KLHL28: variants seen among roughly 807,000 people sequenced by gnomAD.
KLHL28 encodes kelch like family member 28.
A neutral mutation model predicts 48.3 loss-of-function variants in KLHL28; 22 were observed. The observed-to-expected ratio is 0.46, with a 90% confidence interval of 0.33 to 0.65. The LOEUF (loss-of-function observed/expected upper bound fraction) is 0.65, where lower values mean the gene tolerates loss of function less well. Ranked by LOEUF, KLHL28 falls within the 30% of genes least tolerant of loss-of-function variation. The pLI, the probability that KLHL28 is intolerant of heterozygous loss-of-function variation, is 0.03. For synonymous variants in KLHL28, 243 were observed against 242.4 expected (o/e 1.00, Z -0.02); for missense variants, 527 against 704.3 (o/e 0.75, Z 2.85).
At chr14:44,942,699 C>T (rs1227512436) in intron 2 of KLHL28, among the ~76,000 whole-genome samples, 1 of 152,110 alleles carries the variant, frequency 6.6e-6, no homozygotes, top group Non-Finnish European at 1.5e-5. Context: ...GTACATTCCT[C>T]GTGACCTTTC....
rs1883388302 is a variant in KLHL28, at chr14:44,926,801, C to G, written c.*2227G>C. ...GGGATTACAGGCGTGAGCCACTGCGCCCGTCCTAAAATCATTTTCCACAGT... is the reference window on the plus strand; with the variant it reads ...GGGATTACAGGCGTGAGCCACTGCGGCCGTCCTAAAATCATTTTCCACAGT... On this transcript the variant is annotated 3_prime_UTR_variant, in exon 5 of 5. Transcript: ENST00000396128. 1 of 152,176 alleles carries G rather than the reference C, an allele frequency of 6.6e-6. No individual in the cohort carries two copies. The highest frequency in any genetic ancestry group is 2.1e-4 in the South Asian group (1 of 4,830). 9.4% of individuals were successfully genotyped at this position (152,176 alleles called of 1,614,324 possible).
chr14:44,954,498 G>GTATA (rs1222480056), intron 1 of KLHL28, among the ~76,000 whole-genome samples: 11 of 152,168 alleles, frequency 7.2e-5, no homozygotes, highest in Admixed American at 6.5e-4. Flanking sequence ...ACACAATGCA[G>GTATA]TACTATACAG....
chr14:44,929,243 CTT>C, intron 4 of KLHL28, 52 bp from the exon 5 acceptor site: 3 of 1,403,568 alleles, frequency 2.1e-6, no homozygotes, highest in Middle Eastern at 1.9e-4. Flanking sequence ...ATGAAGTATA[CTT>C]TTTCTCACTA....
intron 2 of KLHL28, 82 bp downstream of exon 2, chr14:44,944,946 CTA>C (rs993107432): frequency 4.4e-5 from 46 of 1,034,758 alleles, no homozygotes; most frequent in Non-Finnish European, 6.2e-5. Context: ...GAAAATCAAA[CTA>C]TTTTTAAAAT....
intron 2 of KLHL28, among the ~76,000 whole-genome samples, chr14:44,942,844 G>A (rs995043124): frequency 2.0e-5 from 3 of 151,998 alleles, no homozygotes; most frequent in South Asian, 4.1e-4. Flanking sequence ...TATCTTGATC[G>A]TTGCATAAAC....
chr14:44,931,366 T>C lies in KLHL28; in HGVS notation c.1519A>G (p.Thr507Ala), dbSNP rs767142056. The C allele has an allele frequency of 2.6e-5, 42 of 1,613,608 alleles. No individual in the cohort carries two copies. In the Admixed American group the frequency reaches 5.8e-4, roughly 22 times the overall value. ...GGTTCTTTCATTGGTCTACACACAG[T>C]CCACTGATTTTGATGAGGATCGTAT... ...ERYDPHQNQW[T>A]VCRPMKEPRT... Residue 507 changes from threonine (T) to alanine (A), a missense_variant, in exon 4 of 5, where the codon ACT (threonine) becomes GCT (alanine). By Grantham distance (58) the Thr-to-Ala change is moderately conservative. Transcript: ENST00000396128.
chr14:44,941,171 C>T (rs1293001657), intron 2 of KLHL28, among the ~76,000 whole-genome samples: 1 of 152,012 alleles, frequency 6.6e-6, no homozygotes, highest in African/African-American at 2.4e-5. Context: ...CAAAATAAAA[C>T]CAAACAAAAC....
At chr14:44,939,768 T>C (rs1883990852) in intron 2 of KLHL28, among the ~76,000 whole-genome samples, 1 of 151,998 alleles carries the variant, frequency 6.6e-6, no homozygotes, top group South Asian at 2.1e-4. Flanking sequence ...CCCTATGGCC[T>C]CTTCTTCTGA....
chr14:44,935,060 C>T (rs1323350803), intron 2 of KLHL28, among the ~76,000 whole-genome samples: 1 of 152,032 alleles, frequency 6.6e-6, no homozygotes, highest in Non-Finnish European at 1.5e-5. Context: ...TGTAACAGCT[C>T]CAAAGTGGAA....
At chr14:44,934,036 G>T (rs1320058521) in intron 3 of KLHL28, 79 bp downstream of exon 3, 1 of 1,164,288 alleles carries the variant, frequency 8.6e-7, no homozygotes, top group Non-Finnish European at 1.2e-6. Flanking sequence ...CACACAAATT[G>T]TTTAAAACTC....
At position 44,945,467 on chromosome 14, in the gene KLHL28, C is replaced by T. The variant is rs1373554231; in HGVS notation, c.462G>A (p.Leu154=). 1 of 1,614,138 alleles carries T rather than the reference C, an allele frequency of 6.2e-7. No homozygotes were observed. The highest frequency in any genetic ancestry group is 2.2e-5 in the East Asian group (1 of 44,882). The change falls in exon 2 of 5, where the codon TTG becomes TTA. Residue 154 remains leucine, a synonymous_variant. Coordinates refer to ENST00000396128, the MANE Select transcript of KLHL28 (RefSeq NM_017658.5). ...AETYGCRDLY[L]AATKYICQNF... ...TCTGGCATATGTATTTAGTGGCTGC[C>T]AAATAAAGGTCACGGCAACCATATG...
chr14:44,937,958 C>G (rs1028793811), intron 2 of KLHL28, among the ~76,000 whole-genome samples: 2 of 152,196 alleles, frequency 1.3e-5, no homozygotes, highest in Admixed American at 6.5e-5. Context: ...ATTAAAGGCC[C>G]CACCTCCTAA....
At position 44,951,236 on chromosome 14, in the gene KLHL28, G is replaced by C. The variant is rs1046284979; in HGVS notation, c.1-5308C>G. 2.0e-5 allele frequency among the ~76,000 whole-genome samples: 3 copies of C among 152,180 alleles called. No individual in the cohort carries two copies. In the South Asian group the frequency reaches 6.2e-4, roughly 32 times the overall value. On this transcript the variant is annotated intron_variant, in intron 1 of 4. Transcript: ENST00000396128. ...GAAACTGTCTCATGACACACTTGTA[G>C]GGGAAATAGAGAGGTGAGTGGAAAA...
intron 1 of KLHL28, chr14:44,959,574 G>A (rs1884944931): frequency 6.6e-6 from 1 of 152,034 alleles, no homozygotes; most frequent in East Asian, 1.9e-4. Context: ...GAACTAATGT[G>A]TTATCTCTGA....
chr14:44,945,376 C>G lies in KLHL28; in HGVS notation c.553G>C (p.Val185Leu), dbSNP rs1335963923. 6.2e-7 allele frequency: 1 copy of G among 1,614,142 alleles called. No homozygotes were observed. The highest frequency in any genetic ancestry group is 1.7e-5 in the Admixed American group (1 of 60,018). ...ELTHADLDEI[V>L]SNDCLNVATE... ...GCTACATTCAAACAGTCATTGGAAA[C>G]AATTTCATCCAAGTCAGCATGTGTA... Residue 185 changes from valine to leucine, a missense_variant, in exon 2 of 5, where the codon GTT (valine) becomes CTT (leucine). Transcript: ENST00000396128.
chr14:44,932,260 G>GGA, intron 3 of KLHL28, among the ~76,000 whole-genome samples: 1 of 89,408 alleles, frequency 1.1e-5, no homozygotes, highest in African/African-American at 4.5e-5. Flanking sequence ...TGGGGGGTGG[G>GGA]GAGAAAAACC....
At chr14:44,954,979 C>T (rs960387159) in intron 1 of KLHL28, among the ~76,000 whole-genome samples, 5 of 152,046 alleles carry the variant, frequency 3.3e-5, no homozygotes, top group Admixed American at 6.5e-5. Flanking sequence ...TTTCAGTAAT[C>T]GCATTGTTGA....
intron 1 of KLHL28, among the ~76,000 whole-genome samples, chr14:44,950,244 T>C (rs1884519454): frequency 6.6e-6 from 1 of 152,030 alleles, no homozygotes. Flanking sequence ...TTCTTCGAGT[T>C]GTCCCTTGAG....
At position 44,934,476 on chromosome 14, in the gene KLHL28, C is replaced by G. The variant is rs142116819; in HGVS notation, c.982G>C (p.Val328Leu). Residue 328 changes from valine (V) to leucine (L), a missense_variant, in exon 3 of 5, where the codon GTT becomes CTT. Physicochemically the swap from Val to Leu is conservative, Grantham distance 32. Coordinates refer to ENST00000396128, the MANE Select transcript of KLHL28 (RefSeq NM_017658.5). The part of the protein sequence containing the change: ...NIPRYEFGIC[V>L]LDQKVYVIGG... ...ATAACATATACTTTTTGGTCTAAAA[C>G]GCATATTCCAAATTCATAGCGAGGA... is the stretch of plus-strand genomic sequence containing the variant. The G allele has an allele frequency of 1.2e-6, 2 of 1,613,740 alleles. No individual in the cohort carries two copies. Among genetic ancestry groups the G allele is most frequent in the Non-Finnish European group, 1.7e-6 (2 of 1,179,896 alleles).
Sources: gnomAD v4.1 joint callset for allele counts (sites outside exome capture counted in the v4.1 genomes callset) on GRCh38, gnomAD v4.1.1 for gene constraint, MANE v1.5 for transcripts, NCBI Gene and HGNC (gene_info 2026-07-23, HGNC 2026-07-21) for gene names.